The following VARS1 variants were observed in gnomAD, a reference collection of about 807,000 sequenced individuals.
VARS1 encodes the protein valyl-tRNA synthetase 1.
Under a neutral mutation model 161.0 loss-of-function variants are expected in VARS1, and 92 were observed. The ratio of observed to expected loss-of-function variants is 0.57; its 90% CI spans 0.48 to 0.68. The LOEUF (loss-of-function observed/expected upper bound fraction) is 0.68, where lower values mean the gene tolerates loss of function less well. VARS1 is among the 30% of genes least tolerant of loss of function. The probability of loss-of-function intolerance (pLI) is 0.00; values close to 1 mark genes in which losing one functional copy is unlikely to be tolerated. For synonymous variants in VARS1, 595 were observed against 682.5 expected (o/e 0.87, Z 2.00); for missense variants, 1,338 against 1,695.9 (o/e 0.79, Z 3.71).
chr6:31,782,711 G>A lies in VARS1; in HGVS notation c.1887+10C>T, dbSNP rs557808270. 1.2e-6 allele frequency: 2 copies of A among 1,612,968 alleles called. No homozygotes were observed. The highest frequency in any genetic ancestry group is 2.2e-5 in the South Asian group (2 of 91,080). On this transcript the variant is annotated intron_variant, in intron 15 of 29. Transcript: ENST00000375663. This position sits in a 1 kb window ranked among gnomAD's most constrained non-coding sequence, Gnocchi z 8.3. ...CCTGACCCGGGCACTCTTGCCTCAG[G>A]CAGCCTCACCAGGAAAGGCGGAGGC...
rs900976537 is a variant in VARS1, at chr6:31,792,761, C to A, written c.657G>T (p.Gln219His). 1 of 1,614,186 alleles carries A rather than the reference C, an allele frequency of 6.2e-7. No individual in the cohort carries two copies. Reference protein sequence around the residue: ...LYSGARPLSHQPGPEAPALPK... With the variant: ...LYSGARPLSHHPGPEAPALPK... ...CAACTCCTCGCCCTTCCTCACCTGGCTGATGAGAGAGAGGCCTGGCTCCTG... is the reference window on the plus strand; with the variant it reads ...CAACTCCTCGCCCTTCCTCACCTGGATGATGAGAGAGAGGCCTGGCTCCTG... The change falls in exon 4 of 30, where the codon CAG (glutamine) becomes CAT (histidine). Residue 219 changes from glutamine (Q) to histidine (H), a missense_variant. Physicochemically the swap from Gln to His is conservative, Grantham distance 24 (BLOSUM62 0). Coordinates refer to ENST00000375663, the MANE Select transcript of VARS1 (RefSeq NM_006295.3).
chr6:31,789,847 C>T (rs1048925483), intron 8 of VARS1, among the ~76,000 whole-genome samples: 5 of 151,626 alleles, frequency 3.3e-5, no homozygotes, highest in South Asian at 2.1e-4. Context: ...GGTGAAACCC[C>T]GTCTCTACTA....
rs1812895841 is a variant in VARS1, at chr6:31,778,620, C to T, written c.3726+347G>A. ...GACCTCCCAGGCTCAAGCAATCCGC[C>T]CACCTCAGCCCCCCGAGTAGCTGGG... is the stretch of plus-strand genomic sequence containing the variant. On this transcript the variant is annotated intron_variant, in intron 29 of 29. Coordinates refer to ENST00000375663, the MANE Select transcript of VARS1 (RefSeq NM_006295.3). This position sits in a 1 kb window ranked among gnomAD's most constrained non-coding sequence, Gnocchi z 5.1. 6.6e-6 allele frequency among the ~76,000 whole-genome samples: 1 copy of T among 152,136 alleles called. No homozygotes were observed. The highest frequency in any genetic ancestry group is 6.5e-5 in the Admixed American group (1 of 15,276).
In VARS1 at chr6:31,779,175, G is replaced by A. The variant is rs768896363; in HGVS notation, c.3518C>T (p.Pro1173Leu). 4 of 1,605,142 alleles carry A rather than the reference G, an allele frequency of 2.5e-6. No homozygotes were observed. In the African/African-American group the frequency reaches 5.4e-5, roughly 22 times the overall value. Residue 1173 changes from proline to leucine, a missense_variant, in exon 29 of 30, where the codon CCC becomes CTC. Pro to Leu is a moderately conservative substitution (Grantham distance 98). This residue lies in a region of VARS1 where 433 missense variants were observed against 586.2 expected (regional missense o/e 0.74). Transcript: ENST00000375663. This position sits in a 1 kb window ranked among gnomAD's most constrained non-coding sequence, Gnocchi z 9.1. ...VAVLALGAPA[P>L]QGCAVALASD... ...AGCCAGAGCCACAGCGCAACCCTGG[G>A]GGGCGGGAGCCCCCAGGGCCAGAAC...
rs1452595009 is a variant in VARS1, at chr6:31,779,221, C to T, written c.3472G>A (p.Ala1158Thr). The change falls in exon 29 of 30, where the codon GCC becomes ACC. Residue 1158 changes from alanine to threonine, a missense_variant. By Grantham distance (58) the Ala-to-Thr change is moderately conservative. Around this residue, in one of 3 missense-constraint regions of VARS1, gnomAD observed 433 missense variants for 586.2 expected, o/e 0.74. Coordinates refer to ENST00000375663, the MANE Select transcript of VARS1 (RefSeq NM_006295.3). This position sits in a 1 kb window ranked among gnomAD's most constrained non-coding sequence, Gnocchi z 9.1. Reference sequence around the variant, plus strand: ...AGAACAGCCACCACACCTGCGCTGGCCAGGGCCTGCACGTAGCCCGACACC... The same window carrying T: ...AGAACAGCCACCACACCTGCGCTGGTCAGGGCCTGCACGTAGCCCGACACC... ...SAVSGYVQAL[A>T]SAGVVAVLAL... The T allele has an allele frequency of 6.2e-7, 1 of 1,606,908 alleles. No individual in the cohort carries two copies. The highest frequency in any genetic ancestry group is 8.5e-7 in the Non-Finnish European group (1 of 1,179,000).
Position 31,793,100 on chromosome 6 carries a change from G to A in VARS1, c.408C>T (p.Gly136=), listed in dbSNP as rs752958092. The A allele has an allele frequency of 3.1e-6, 5 of 1,602,052 alleles. No individual in the cohort carries two copies. The African/African-American group carries it at 5.4e-5, about 17-fold the overall frequency. The change falls in exon 3 of 30, where the codon GGC becomes GGT. Residue 136 remains glycine, a synonymous_variant. Transcript: ENST00000375663. ...ACTCCTCCAAGGGGCTCAGGGCCCTGCCCAGGGCCCCCAGCACAGCCTGGC... is the reference window on the plus strand; with the variant it reads ...ACTCCTCCAAGGGGCTCAGGGCCCTACCCAGGGCCCCCAGCACAGCCTGGC... ...QDPQAVLGAL[G]RALSPLEEWL...
chr6:31,792,131 A>G, intron 6 of VARS1, 86 bp downstream of exon 6: 1 of 1,536,736 alleles, frequency 6.5e-7, no homozygotes, highest in Non-Finnish European at 8.9e-7. Flanking sequence ...CTCACCAAAC[A>G]AAGTGGTGAG....
chr6:31,793,430 C>T (rs1814033266), intron 2 of VARS1, among the ~76,000 whole-genome samples: 1 of 151,180 alleles, frequency 6.6e-6, no homozygotes, highest in African/African-American at 2.4e-5. Context: ...GGCATGAACC[C>T]AGGAGGTGGA....
At chr6:31,788,545 G>A (rs1008319197) in intron 8 of VARS1, among the ~76,000 whole-genome samples, 6 of 150,706 alleles carry the variant, frequency 4.0e-5, no homozygotes, top group Admixed American at 1.3e-4. Flanking sequence ...GGTGGGTCAC[G>A]CCTGTAATCC....
Position 31,794,862 on chromosome 6 carries a change from A to G in VARS1, c.356T>C (p.Leu119Pro), listed in dbSNP as rs764296960. The change falls in exon 2 of 30, where the codon CTG becomes CCG. Residue 119 changes from leucine to proline, a missense_variant. Transcript: ENST00000375663. ...GTCCTGGGCCGAGCTTCGGAGTCCC[A>G]GGGCCGGCAGCGTTGCTCCACAGGC... ...PAACGATLPA[L>P]GLRSSAQDPQ... The G allele has an allele frequency of 6.2e-7, 1 of 1,608,972 alleles. No individual in the cohort carries two copies. Among genetic ancestry groups the G allele is most frequent in the Non-Finnish European group, 8.5e-7 (1 of 1,177,160 alleles).
rs779924446 is a variant in VARS1, at chr6:31,780,980, C to T, written c.2649+39G>A. 6.2e-7 allele frequency: 1 copy of T among 1,614,060 alleles called. No individual in the cohort carries two copies. Among genetic ancestry groups the T allele is most frequent in the Non-Finnish European group, 8.5e-7 (1 of 1,180,006 alleles). On this transcript the variant is annotated intron_variant, in intron 22 of 29. Coordinates refer to ENST00000375663, the MANE Select transcript of VARS1 (RefSeq NM_006295.3). This position sits in a 1 kb window ranked among gnomAD's most constrained non-coding sequence, Gnocchi z 5.1. ...AGCAGTCAGGTGGCTGTGACCACAG[C>T]CCCACGGCCCTTCCTGGCTGGCCCA... is the stretch of plus-strand genomic sequence containing the variant.
rs779225797 is a variant in VARS1 at position 31,779,995 on chromosome 6, C to T, written c.3081+3G>A. On this transcript the variant is annotated splice_donor_region_variant and intron_variant, in intron 26 of 29. Coordinates refer to ENST00000375663, the MANE Select transcript of VARS1 (RefSeq NM_006295.3). This position sits in a 1 kb window ranked among gnomAD's most constrained non-coding sequence, Gnocchi z 9.1. ...TCCCCTGCCCCGCTGTGCTCCTTCT[C>T]ACCAAGTAGACATCACAGAGCTCAT... The T allele has an allele frequency of 6.2e-7, 1 of 1,613,908 alleles. No individual in the cohort carries two copies. The highest frequency in any genetic ancestry group is 1.1e-5 in the South Asian group (1 of 91,082).
chr6:31,781,908 C>A lies in VARS1; in HGVS notation c.2286G>T (p.Glu762Asp). 3 of 1,612,974 alleles carry A rather than the reference C, an allele frequency of 1.9e-6. No homozygotes were observed. The change falls in exon 19 of 30, where the codon GAG (glutamate) becomes GAT (aspartate). Residue 762 changes from glutamate (E) to aspartate (D), a missense_variant. By Grantham distance (45) the Glu-to-Asp change is conservative. Around this residue, in one of 3 missense-constraint regions of VARS1, gnomAD observed 902 missense variants for 1,090.3 expected, o/e 0.83. Coordinates refer to ENST00000375663, the MANE Select transcript of VARS1 (RefSeq NM_006295.3). This position sits in a 1 kb window ranked among gnomAD's most constrained non-coding sequence, Gnocchi z 6.8. The part of the protein sequence containing the change: ...RYWVSGRNEA[E>D]AREKAAKEFG... ...ACTCCTTGGCTGCCTTCTCCCGGGC[C>A]TCCGCCTCATTGCGTCCACTCACCC...
Position 31,784,533 on chromosome 6 carries a change from A to AGGGGCC in VARS1, c.1468-37_1468-32dup. 1 of 1,613,650 alleles carries AGGGGCC rather than the reference A, an allele frequency of 6.2e-7. No individual in the cohort carries two copies. Among genetic ancestry groups the AGGGGCC allele is most frequent in the Non-Finnish European group, 8.5e-7 (1 of 1,180,004 alleles). On this transcript the variant is annotated intron_variant, in intron 11 of 29. Transcript: ENST00000375663. This position sits in a 1 kb window ranked among gnomAD's most constrained non-coding sequence, Gnocchi z 6.1. ...AAATGGGTATTTAGAGGCGTGGCCC[A>AGGGGCC]GGGGCCAGGGCCAGGGCCAGGGTAG...
chr6:31,778,953 C>T lies in VARS1; in HGVS notation c.3726+14G>A. 1 of 1,613,004 alleles carries T rather than the reference C, an allele frequency of 6.2e-7. No homozygotes were observed. The highest frequency in any genetic ancestry group is 8.5e-7 in the Non-Finnish European group (1 of 1,180,006). On this transcript the variant is annotated intron_variant, in intron 29 of 29. Coordinates refer to ENST00000375663, the MANE Select transcript of VARS1 (RefSeq NM_006295.3). The surrounding 1 kb of genome is among the most constrained non-coding windows in gnomAD (Gnocchi z 5.1). The stretch of plus-strand genomic sequence containing the variant: ...AAGGGGATGGTGTGGGAAATGCCCA[C>T]CCAGGCCACACACCTTGGCTTCATC...
rs1479782401 is a variant in VARS1, at chr6:31,782,242, T to C, written c.2150+43A>G. ...GGAGCCTGGCCCGAGTGAGCCCTGC[T>C]CAGCCCTCGGCAAGCCCCTCCCACA... On this transcript the variant is annotated intron_variant, in intron 17 of 29. Coordinates refer to ENST00000375663, the MANE Select transcript of VARS1 (RefSeq NM_006295.3). The surrounding 1 kb of genome is among the most constrained non-coding windows in gnomAD (Gnocchi z 8.3). 6.2e-7 allele frequency: 1 copy of C among 1,610,622 alleles called. No individual in the cohort carries two copies. The highest frequency in any genetic ancestry group is 8.5e-7 in the Non-Finnish European group (1 of 1,178,158).
chr6:31,788,184 G>C (rs1414728961), intron 8 of VARS1, among the ~76,000 whole-genome samples: 5 of 151,974 alleles, frequency 3.3e-5, no homozygotes, highest in African/African-American at 1.2e-4. Flanking sequence ...CAAACAACTT[G>C]GCCATTGTAT....
chr6:31,792,869 G>C lies in VARS1; in HGVS notation c.549C>G (p.Ile183Met). 1 of 1,614,156 alleles carries C rather than the reference G, an allele frequency of 6.2e-7. No homozygotes were observed. Among genetic ancestry groups the C allele is most frequent in the Non-Finnish European group, 8.5e-7 (1 of 1,180,042 alleles). ...RYVLDPPARRIWNNVTRWFVT... is the reference protein window; with the variant it reads ...RYVLDPPARRMWNNVTRWFVT... ...CAAACCAGCGAGTCACATTATTCCA[G>C]ATCCGGCGGGCAGGTGGGTCTAGGA... Residue 183 changes from isoleucine (I) to methionine (M), a missense_variant, in exon 4 of 30, where the codon ATC becomes ATG. Transcript: ENST00000375663.
rs768922904 is a variant in VARS1, at chr6:31,781,170, C to T, written c.2545-47G>A. The T allele has an allele frequency of 3.8e-6, 6 of 1,599,362 alleles. No individual in the cohort carries two copies. Among genetic ancestry groups the T allele is most frequent in the Non-Finnish European group, 5.1e-6 (6 of 1,170,808 alleles). ...CCATGAGACTCAGTCCTCTCCTTCC[C>T]CGGCCTCAGTGCCCCGACCAGGACT... is the stretch of plus-strand genomic sequence containing the variant. On this transcript the variant is annotated intron_variant, in intron 21 of 29. Coordinates refer to ENST00000375663, the MANE Select transcript of VARS1 (RefSeq NM_006295.3). The surrounding 1 kb of genome is among the most constrained non-coding windows in gnomAD (Gnocchi z 6.8).
Sources: gnomAD v4.1 joint callset for allele counts (sites outside exome capture counted in the v4.1 genomes callset) on GRCh38, gnomAD v4.1.1 for gene constraint, gnomAD v4.1.1 regional missense constraint, Gnocchi (gnomAD v3.1) non-coding constraint, MANE v1.5 for transcripts, NCBI Gene and HGNC (gene_info 2026-07-23, HGNC 2026-07-21) for gene names.